Variants in RNGTT observed in about 807,000 individuals in gnomAD.
RNGTT encodes RNA guanylyltransferase and 5'-phosphatase.
In RNGTT, 33 loss-of-function variants were observed where a neutral mutation model predicts 79.3. That is an observed-to-expected ratio of 0.42 (90% confidence interval 0.32 to 0.56). The LOEUF (loss-of-function observed/expected upper bound fraction) is 0.56, where lower values mean the gene tolerates loss of function less well. Among genes scored for constraint, RNGTT ranks in the 20% least tolerant of loss-of-function variants. RNGTT has a pLI of 0.17. For missense variants in RNGTT, 497 were observed against 739.1 expected, an observed-to-expected ratio of 0.67 and a Z score of 3.80; for synonymous variants, 222 against 235.9, an observed-to-expected ratio of 0.94 and a Z score of 0.54.
intron 8 of RNGTT, among the ~76,000 whole-genome samples, chr6:88,874,333 A>G (rs541506973): frequency 6.6e-6 from 1 of 152,200 alleles, no homozygotes; most frequent in South Asian, 2.1e-4. Context: ...GGGCAGCACT[A>G]CCTATCACAG....
At chr6:88,863,892 T>A (rs1782088548) in intron 8 of RNGTT, among the ~76,000 whole-genome samples, 1 of 152,114 alleles carries the variant, frequency 6.6e-6, no homozygotes, top group Non-Finnish European at 1.5e-5. Context: ...GTGCTTGCTA[T>A]CTAGATCCCT....
intron 13 of RNGTT, among the ~76,000 whole-genome samples, chr6:88,762,191 G>A (rs1010065418): frequency 3.3e-5 from 5 of 152,018 alleles, no homozygotes; most frequent in African/African-American, 1.2e-4. Flanking sequence ...TACAACCTGC[G>A]GTTATTTTCC....
At chr6:88,898,480 G>C (rs1783327033) in intron 6 of RNGTT, among the ~76,000 whole-genome samples, 1 of 151,562 alleles carries the variant, frequency 6.6e-6, no homozygotes, top group Admixed American at 6.6e-5. Context: ...TCTCTAATTT[G>C]TTCCTCTTCT....
chr6:88,844,651 G>A (rs908481789), intron 10 of RNGTT, 130 bp from the exon 11 acceptor site: 46 of 776,908 alleles, frequency 5.9e-5, no homozygotes, highest in Admixed American at 2.3e-4. Context: ...AGTGCACAGC[G>A]TGCACAAACA....
chr6:88,689,062 G>C (rs1467221970), intron 13 of RNGTT, among the ~76,000 whole-genome samples: 2 of 152,092 alleles, frequency 1.3e-5, no homozygotes, highest in Non-Finnish European at 2.9e-5. Flanking sequence ...GTTAGGTTTG[G>C]GGGGGAGTCA....
At position 88,906,454 on chromosome 6, in the gene RNGTT, T is replaced by C. The variant is rs1783657408; in HGVS notation, c.368-14A>G. 1 of 1,550,546 alleles carries C rather than the reference T, an allele frequency of 6.4e-7. No homozygotes were observed. Among genetic ancestry groups the C allele is most frequent in the Non-Finnish European group, 8.7e-7 (1 of 1,146,566 alleles). On this transcript the variant is annotated splice_polypyrimidine_tract_variant and intron_variant, in intron 4 of 15. Transcript: ENST00000369485. ...TACAATGAACACCTAGAAAATAAAG[T>C]AGCTTTGGTTAAAATTAACAAATCA... is the stretch of plus-strand genomic sequence containing the variant.
intron 14 of RNGTT, among the ~76,000 whole-genome samples, chr6:88,623,519 C>T (rs1459242554): frequency 1.3e-5 from 2 of 151,610 alleles, no homozygotes; most frequent in Non-Finnish European, 3.0e-5. Context: ...CAATCCATTA[C>T]TCAGGCCTAT....
At position 88,756,436 on chromosome 6, in the gene RNGTT, G is replaced by A. The variant is rs142713134; in HGVS notation, c.1439+13338C>T. ...TGCAGTGAGCCAAGATCATGCCACTGCATGCCAGCCTGGGTGACAGAGTGA... is the reference window on the plus strand; with the variant it reads ...TGCAGTGAGCCAAGATCATGCCACTACATGCCAGCCTGGGTGACAGAGTGA... On this transcript the variant is annotated intron_variant, in intron 13 of 15. Coordinates refer to ENST00000369485, the MANE Select transcript of RNGTT (RefSeq NM_003800.5). Among the ~76,000 whole-genome samples, 7 of 152,264 alleles carry A rather than the reference G, an allele frequency of 4.6e-5. No homozygotes were observed. The East Asian group carries it at 1.4e-3, about 29-fold the overall frequency.
rs926424723 is a variant in RNGTT, at chr6:88,912,097, A to AAAG, written c.368-5660_368-5658dup. 3.9e-5 allele frequency among the ~76,000 whole-genome samples: 6 copies of AAAG among 151,902 alleles called. No individual in the cohort carries two copies. The East Asian group carries it at 7.7e-4, about 20-fold the overall frequency. ...GACCCTACCTCAAAAAATAAAATAAAAAGAAGAAGAAGAAGACAGAAAGGC... is the reference window on the plus strand; with the variant it reads ...GACCCTACCTCAAAAAATAAAATAAAAAGAAGAAGAAGAAGAAGACAGAAAGGC... On this transcript the variant is annotated intron_variant, in intron 4 of 15. Transcript: ENST00000369485.
At chr6:88,934,900 C>T (rs1413558507) in intron 2 of RNGTT, among the ~76,000 whole-genome samples, 1 of 152,132 alleles carries the variant, frequency 6.6e-6, no homozygotes, top group African/African-American at 2.4e-5. Context: ...AGGTGTAAGC[C>T]ACTGTACCCA....
chr6:88,755,110 A>AAAG (rs71021391), intron 13 of RNGTT, among the ~76,000 whole-genome samples: 21,035 of 152,116 alleles, frequency 0.14, 1,588 homozygotes, highest in Middle Eastern at 0.24. Context: ...TAGAAGGAGA[A>AAAG]AAGAACTGCA....
intron 14 of RNGTT, among the ~76,000 whole-genome samples, chr6:88,666,180 A>G (rs376471018): frequency 3.7e-4 from 57 of 152,310 alleles, no homozygotes; most frequent in African/African-American, 1.3e-3. Context: ...GCTTTTCATG[A>G]GTTAAAAGAA....
intron 2 of RNGTT, among the ~76,000 whole-genome samples, chr6:88,931,625 C>T (rs1784516609): frequency 6.6e-6 from 1 of 152,082 alleles, no homozygotes; most frequent in South Asian, 2.1e-4. Context: ...AAAGTATGTA[C>T]AGTCAAAATT....
intron 13 of RNGTT, among the ~76,000 whole-genome samples, chr6:88,718,505 T>TA (rs1006525365): frequency 4.0e-5 from 6 of 151,606 alleles, no homozygotes; most frequent in Non-Finnish European, 7.4e-5. Context: ...TGACAAAAAT[T>TA]AAAAAAAATA....
rs531235935 is a variant in RNGTT, at chr6:88,891,644, G to A, written c.794+162C>T. Among the ~76,000 whole-genome samples the A allele has an allele frequency of 3.9e-5, 6 of 152,178 alleles. No individual in the cohort carries two copies. The East Asian group carries it at 9.6e-4, about 24-fold the overall frequency. On this transcript the variant is annotated intron_variant, in intron 7 of 15. Coordinates refer to ENST00000369485, the MANE Select transcript of RNGTT (RefSeq NM_003800.5). ...TGAGTCATCTAATTTTGACTCAACTGTCTGGTTATTGCATTGATTGTCTTG... is the reference window on the plus strand; with the variant it reads ...TGAGTCATCTAATTTTGACTCAACTATCTGGTTATTGCATTGATTGTCTTG...
intron 14 of RNGTT, among the ~76,000 whole-genome samples, chr6:88,648,528 C>T (rs1403944501): frequency 1.3e-5 from 2 of 151,978 alleles, no homozygotes; most frequent in East Asian, 1.9e-4. Context: ...CTCTTCACAT[C>T]CTATTATCTC....
Position 88,891,646 on chromosome 6 carries a change from C to T in RNGTT, c.794+160G>A, listed in dbSNP as rs552647772. Among the ~76,000 whole-genome samples the T allele has an allele frequency of 4.6e-5, 7 of 152,184 alleles. No individual in the cohort carries two copies. The South Asian group carries it at 1.4e-3, about 32-fold the overall frequency. On this transcript the variant is annotated intron_variant, in intron 7 of 15. Coordinates refer to ENST00000369485, the MANE Select transcript of RNGTT (RefSeq NM_003800.5). Reference sequence around the variant, plus strand: ...AGTCATCTAATTTTGACTCAACTGTCTGGTTATTGCATTGATTGTCTTGAA... The same window carrying T: ...AGTCATCTAATTTTGACTCAACTGTTTGGTTATTGCATTGATTGTCTTGAA...
At chr6:88,726,997 A>C (rs936238100) in intron 13 of RNGTT, among the ~76,000 whole-genome samples, 6 of 143,850 alleles carry the variant, frequency 4.2e-5, no homozygotes, top group African/African-American at 1.6e-4. Context: ...GGGGAAAAAA[A>C]GGGGTGGGGG....
chr6:88,778,426 T>TC (rs144742658), intron 12 of RNGTT, among the ~76,000 whole-genome samples: 85,972 of 148,548 alleles, frequency 0.58, 25,428 homozygotes, highest in African/African-American at 0.74. Context: ...TTGCTAAGTG[T>TC]CCAATACTAG....
Sources: allele counts gnomAD v4.1 joint callset (sites outside exome capture counted in the v4.1 genomes callset), GRCh38; gene constraint gnomAD v4.1.1; transcripts MANE v1.5; gene names NCBI Gene and HGNC (gene_info 2026-07-23, HGNC 2026-07-21).